The following CDCP1 variants were observed in gnomAD, a reference collection of about 807,000 sequenced individuals.
CDCP1 encodes the protein CUB domain-containing protein 1.
A neutral mutation model predicts 60.2 loss-of-function variants in CDCP1; 29 were observed. The ratio of observed to expected loss-of-function variants is 0.48; its 90% CI spans 0.36 to 0.66. The LOEUF (loss-of-function observed/expected upper bound fraction) is 0.66. CDCP1 is among the 30% of genes least tolerant of loss of function. The pLI, the probability that CDCP1 is intolerant of heterozygous loss-of-function variation, is 0.00. For missense variants in CDCP1, 876 were observed against 1,074.3 expected, an observed-to-expected ratio of 0.82 and a Z score of 2.58; for synonymous variants, 387 against 431.1, an observed-to-expected ratio of 0.90 and a Z score of 1.27.
intron 4 of CDCP1, among the ~76,000 whole-genome samples, chr3:45,104,988 C>T (rs1046060623): frequency 2.6e-5 from 4 of 152,168 alleles, no homozygotes; most frequent in South Asian, 4.1e-4. Context: ...GCGGAGGTTG[C>T]GGTGAGCCAA....
At chr3:45,108,609 T>A (rs1476897610) in intron 4 of CDCP1, among the ~76,000 whole-genome samples, 1 of 151,492 alleles carries the variant, frequency 6.6e-6, no homozygotes, top group Non-Finnish European at 1.5e-5. Flanking sequence ...TGTGGCTGTT[T>A]TCAACATTCT....
intron 1 of CDCP1, among the ~76,000 whole-genome samples, chr3:45,145,709 C>A (rs1031739389): frequency 5.9e-5 from 9 of 152,154 alleles, no homozygotes; most frequent in Admixed American, 5.9e-4. Context: ...GAAATGCGGA[C>A]GTGAAAGCAC....
At chr3:45,113,116 C>T (rs1026192188) in intron 2 of CDCP1, among the ~76,000 whole-genome samples, 1 of 152,150 alleles carries the variant, frequency 6.6e-6, no homozygotes, top group Non-Finnish European at 1.5e-5. Context: ...AAGAGAGTCA[C>T]GATTTCACAA....
intron 4 of CDCP1, among the ~76,000 whole-genome samples, chr3:45,099,714 C>A (rs1031355359): frequency 3.9e-5 from 6 of 151,978 alleles, no homozygotes; most frequent in Non-Finnish European, 7.4e-5. Context: ...GGGAGATATC[C>A]TCAACTTTAT....
Position 45,093,419 on chromosome 3 carries a change from G to T in CDCP1, c.1485C>A (p.Phe495Leu), listed in dbSNP as rs746698663. Reference protein sequence around the residue: ...ASAIPSQDLYFGSFCPGGSIK... With the variant: ...ASAIPSQDLYLGSFCPGGSIK... ...TAGAGCCTCCCGGGCAGAAGGAGCC[G>T]AAGTACAGGTCCTGGCTGGGTATGG... Residue 495 changes from phenylalanine to leucine, a missense_variant, in exon 6 of 9, where the codon TTC becomes TTA. Physicochemically the swap from Phe to Leu is conservative, Grantham distance 22 (BLOSUM62 0). This residue lies in a region of CDCP1 where 726 missense variants were observed against 935.7 expected (regional missense o/e 0.78). Coordinates refer to ENST00000296129, the MANE Select transcript of CDCP1 (RefSeq NM_022842.5). 1 of 1,614,150 alleles carries T rather than the reference G, an allele frequency of 6.2e-7. No individual in the cohort carries two copies. The highest frequency in any genetic ancestry group is 1.3e-5 in the African/African-American group (1 of 75,050).
At chr3:45,119,507 G>C (rs942856401) in intron 1 of CDCP1, among the ~76,000 whole-genome samples, 8 of 152,176 alleles carry the variant, frequency 5.3e-5, no homozygotes, top group Non-Finnish European at 7.3e-5. Flanking sequence ...ATCGTCTGTA[G>C]GTAAATCCTG....
chr3:45,093,771 G>A (rs1472849590), intron 5 of CDCP1, 114 bp from the exon 6 acceptor site: 50 of 1,247,504 alleles, frequency 4.0e-5, no homozygotes, highest in Non-Finnish European at 5.4e-5. Flanking sequence ...GTTTCCCTTC[G>A]GTCTCTCTTC....
intron 1 of CDCP1, among the ~76,000 whole-genome samples, chr3:45,131,679 A>G (rs185717423): frequency 6.6e-6 from 1 of 152,192 alleles, no homozygotes; most frequent in Non-Finnish European, 1.5e-5. Context: ...AATCCCCTGG[A>G]TTACTATGGA....
At chr3:45,139,960 C>T (rs1170087529) in intron 1 of CDCP1, among the ~76,000 whole-genome samples, 2 of 152,194 alleles carry the variant, frequency 1.3e-5, no homozygotes, top group Non-Finnish European at 1.5e-5. Context: ...CTTGTCTGCT[C>T]TAAGCTGTTC....
At chr3:45,133,635 G>A (rs112538365) in intron 1 of CDCP1, among the ~76,000 whole-genome samples, 4 of 13,846 alleles carry the variant, frequency 2.9e-4, no homozygotes, top group Admixed American at 8.2e-4. Flanking sequence ...GGAGAATGGC[G>A]TGAACCCGGG....
At chr3:45,144,353 C>T (rs1036002832) in intron 1 of CDCP1, among the ~76,000 whole-genome samples, 6 of 152,194 alleles carry the variant, frequency 3.9e-5, no homozygotes, top group Non-Finnish European at 8.8e-5. Context: ...CTTAGATCCT[C>T]AAGACTACAG....
intron 8 of CDCP1, among the ~76,000 whole-genome samples, 158 bp downstream of exon 8, chr3:45,088,896 C>T (rs1462914319): frequency 4.6e-5 from 7 of 152,014 alleles, no homozygotes; most frequent in Non-Finnish European, 7.4e-5. Context: ...TTTTTTTCTC[C>T]TGAAAGCATG....
At chr3:45,090,816 C>T (rs1698280094) in intron 7 of CDCP1, among the ~76,000 whole-genome samples, 1 of 152,200 alleles carries the variant, frequency 6.6e-6, no homozygotes, top group South Asian at 2.1e-4. Context: ...GCCAAGTAAT[C>T]TCAGTTGTCT....
chr3:45,135,157 A>G (rs1429131084), intron 1 of CDCP1, among the ~76,000 whole-genome samples: 1 of 151,800 alleles, frequency 6.6e-6, no homozygotes, highest in Non-Finnish European at 1.5e-5. Context: ...GCAACAAGAC[A>G]GTGTCAATGT....
chr3:45,128,887 T>C (rs962501402), intron 1 of CDCP1, among the ~76,000 whole-genome samples: 6 of 152,206 alleles, frequency 3.9e-5, no homozygotes, highest in African/African-American at 1.4e-4. Context: ...CTGGCTAATC[T>C]GTGTACTTTC....
chr3:45,093,754 GCCCTGTGTTTCC>G, intron 5 of CDCP1, 97 bp from the exon 6 acceptor site: 1 of 1,391,480 alleles, frequency 7.2e-7, no homozygotes, highest in Non-Finnish European at 9.8e-7. Flanking sequence ...TCTGCATGCT[GCCCTGTGTTTCC>G]CTTCGGTCTC....
In CDCP1 at chr3:45,112,099, G is replaced by A; in HGVS notation, c.639C>T (p.Asn213=). The A allele has an allele frequency of 6.2e-7, 1 of 1,613,658 alleles. No individual in the cohort carries two copies. The highest frequency in any genetic ancestry group is 8.5e-7 in the Non-Finnish European group (1 of 1,179,690). Reference sequence around the variant, plus strand: ...CTTTCTCACGTTTTATAGATGAGCGGTTTGCAATGCTGAAGCCGGAGACAT... The same window carrying A: ...CTTTCTCACGTTTTATAGATGAGCGATTTGCAATGCTGAAGCCGGAGACAT... The part of the protein sequence containing the change: ...PRNVSGFSIA[N]RSSIKRLCII... Residue 213 remains asparagine, a synonymous_variant, in exon 3 of 9, where the codon AAC becomes AAT. Transcript: ENST00000296129.
In CDCP1 at chr3:45,083,460, C is replaced by T. The variant is rs191604557; in HGVS notation, c.*2178G>A. 1 of 152,304 alleles carries T rather than the reference C, an allele frequency of 6.6e-6. No homozygotes were observed. The highest frequency in any genetic ancestry group is 2.4e-5 in the African/African-American group (1 of 41,558). The allele number at this position is 152,304 out of a possible 1,614,324, so 9.4% of individuals were successfully genotyped here. Reference sequence around the variant, plus strand: ...ATTTCCAAGGTGAATTCATTGAATACAATGAAGTACATTTATTTTTTGAAG... The same window carrying T: ...ATTTCCAAGGTGAATTCATTGAATATAATGAAGTACATTTATTTTTTGAAG... On this transcript the variant is annotated 3_prime_UTR_variant, in exon 9 of 9. Coordinates refer to ENST00000296129, the MANE Select transcript of CDCP1 (RefSeq NM_022842.5).
At chr3:45,136,357 C>A (rs58183364) in intron 1 of CDCP1, among the ~76,000 whole-genome samples, 1 of 152,068 alleles carries the variant, frequency 6.6e-6, no homozygotes, top group Non-Finnish European at 1.5e-5. Context: ...TAGAAGTTAG[C>A]CCTACTGCTA....
Sources: allele counts gnomAD v4.1 joint callset (sites outside exome capture counted in the v4.1 genomes callset), GRCh38; gene constraint gnomAD v4.1.1; regional missense constraint gnomAD v4.1.1; transcripts MANE v1.5; gene names NCBI Gene and HGNC (gene_info 2026-07-23, HGNC 2026-07-21).